The following CHIC2 variants were observed in gnomAD, a reference collection of about 807,000 sequenced individuals.
The protein encoded by CHIC2 is cysteine rich hydrophobic domain 2, also known as cysteine-rich hydrophobic domain-containing protein 2.
In CHIC2, 14 loss-of-function variants were observed where a neutral mutation model predicts 25.9. The observed-to-expected ratio is 0.54, with a 90% CI of 0.36 to 0.85. The LOEUF (loss-of-function observed/expected upper bound fraction) is 0.85. Ranked by LOEUF, CHIC2 falls within the 40% of genes least tolerant of loss-of-function variation. The pLI, the probability that CHIC2 is intolerant of heterozygous loss-of-function variation, is 0.01. For synonymous variants in CHIC2, 70 were observed against 72.0 expected, an observed-to-expected ratio of 0.97 and a Z score of 0.14; for missense variants, 146 against 202.0, an observed-to-expected ratio of 0.72 and a Z score of 1.68.
chr4:54,037,957 C>T (rs1204970688), intron 3 of CHIC2, among the ~76,000 whole-genome samples: 1 of 151,842 alleles, frequency 6.6e-6, no homozygotes, highest in African/African-American at 2.4e-5. Flanking sequence ...AAATCAATGA[C>T]TTCTACCTTA....
At chr4:54,083,438 T>TC in the CHIC2 span, among the ~76,000 whole-genome samples, 1 of 152,242 alleles carries the variant, frequency 6.6e-6, no homozygotes, top group Admixed American at 6.5e-5. Flanking sequence ...TTATCTTTTT[T>TC]CTGTTCCATT....
chr4:54,058,549 TACACACACATACACAC>T (rs1352096428), intron 1 of CHIC2, among the ~76,000 whole-genome samples: 6 of 126,924 alleles, frequency 4.7e-5, no homozygotes, highest in Non-Finnish European at 1.0e-4. Context: ...CATACACACA[TACACACACATACACAC>T]ACACACACAC....
the CHIC2 span, among the ~76,000 whole-genome samples, chr4:54,080,288 CAAAG>C: frequency 2.0e-5 from 3 of 150,516 alleles, no homozygotes; most frequent in Non-Finnish European, 3.0e-5. Context: ...ATAAGACAGA[CAAAG>C]AAAGACAAAT....
chr4:54,081,926 A>G, the CHIC2 span, among the ~76,000 whole-genome samples: 3 of 152,216 alleles, frequency 2.0e-5, no homozygotes, highest in Non-Finnish European at 4.4e-5. Context: ...AGCAATTTAA[A>G]GATGAAAAAT....
rs574564739 is a variant in CHIC2 at position 54,029,416 on chromosome 4, G to A, written c.331-15297C>T. Among the ~76,000 whole-genome samples the A allele has an allele frequency of 3.9e-5, 6 of 152,214 alleles. No individual in the cohort carries two copies. The South Asian group carries it at 8.3e-4, about 21-fold the overall frequency. On this transcript the variant is annotated intron_variant, in intron 3 of 5. Transcript: ENST00000263921. Reference sequence around the variant, plus strand: ...GGTAATGAAGATTAAGACCATTATTGACCACATGAATATTTGTTATATTTA... The same window carrying A: ...GGTAATGAAGATTAAGACCATTATTAACCACATGAATATTTGTTATATTTA...
At chr4:54,058,730 G>C (rs1409354836) in intron 1 of CHIC2, among the ~76,000 whole-genome samples, 1 of 152,150 alleles carries the variant, frequency 6.6e-6, no homozygotes, top group South Asian at 2.1e-4. Flanking sequence ...ACAGCTATTA[G>C]AGATTTGAAA....
intron 3 of CHIC2, among the ~76,000 whole-genome samples, chr4:54,016,720 C>A (rs1715748254): frequency 6.6e-6 from 1 of 151,822 alleles, no homozygotes; most frequent in Non-Finnish European, 1.5e-5. Flanking sequence ...TTGCACTTGA[C>A]ATCTCAATGA....
the CHIC2 span, chr4:54,087,277 G>A: frequency 1.7e-6 from 1 of 581,390 alleles, no homozygotes; most frequent in Non-Finnish European, 3.1e-6. Flanking sequence ...AGAACAGAAT[G>A]GAAGTTAAAG....
At chr4:54,020,770 T>A (rs1715872438) in intron 3 of CHIC2, among the ~76,000 whole-genome samples, 1 of 152,204 alleles carries the variant, frequency 6.6e-6, no homozygotes, top group Admixed American at 6.5e-5. Context: ...ATTTTATCCA[T>A]GGACCCAAAA....
At position 54,064,478 on chromosome 4, in the gene CHIC2, G is replaced by GCCGCCA; in HGVS notation, c.-184_-179dup. On this transcript the variant is annotated 5_prime_UTR_variant, in exon 1 of 6. Coordinates refer to ENST00000263921, the MANE Select transcript of CHIC2 (RefSeq NM_012110.4). The surrounding 1 kb of genome is among the most constrained non-coding windows in gnomAD (Gnocchi z 4.2). Reference sequence around the variant, plus strand: ...CAGAGGGGATGGGGTCTGGACCGTCGCCGCCACCGCCGCCGCCATTACCAT... The same window carrying GCCGCCA: ...CAGAGGGGATGGGGTCTGGACCGTCGCCGCCACCGCCACCGCCGCCGCCATTACCAT... 1 of 1,444,632 alleles carries GCCGCCA rather than the reference G, an allele frequency of 6.9e-7. No individual in the cohort carries two copies. 89.5% of individuals were successfully genotyped at this position (1,444,632 alleles called of 1,614,324 possible). A position where few individuals can be genotyped will look rare whatever the true frequency, so the allele number is the denominator to read the frequency against.
chr4:54,031,227 G>A (rs1309842922), intron 3 of CHIC2, among the ~76,000 whole-genome samples: 1 of 149,818 alleles, frequency 6.7e-6, no homozygotes, highest in Non-Finnish European at 1.5e-5. Context: ...ACTCTCTCAA[G>A]GTCACCCAGC....
chr4:54,071,974 A>C, the CHIC2 span, among the ~76,000 whole-genome samples: 16 of 151,506 alleles, frequency 1.1e-4, no homozygotes, highest in Non-Finnish European at 1.5e-5. Context: ...GTAATATCTA[A>C]ATCTAAATAA....
intron 3 of CHIC2, among the ~76,000 whole-genome samples, chr4:54,030,192 GA>G (rs1284446785): frequency 1.3e-5 from 2 of 152,016 alleles, no homozygotes; most frequent in Non-Finnish European, 2.9e-5. Flanking sequence ...ATTCAGAAAA[GA>G]AAAAACCTAA....
At chr4:54,060,275 G>C (rs977167255) in intron 1 of CHIC2, 3 of 152,050 alleles carry the variant, frequency 2.0e-5, no homozygotes, top group African/African-American at 7.2e-5. Context: ...AACATATCTG[G>C]AATGAAAACA....
chr4:54,040,042 G>A (rs1355199805), intron 3 of CHIC2, among the ~76,000 whole-genome samples: 5 of 152,136 alleles, frequency 3.3e-5, no homozygotes, highest in Admixed American at 1.3e-4. Flanking sequence ...AAGAGTTGAC[G>A]AGGGTTCAAC....
chr4:54,083,063 T>C, the CHIC2 span, among the ~76,000 whole-genome samples: 3 of 143,352 alleles, frequency 2.1e-5, no homozygotes, highest in Non-Finnish European at 3.1e-5. Flanking sequence ...TCTTGCTCTA[T>C]TGCCCAGGCT....
chr4:54,074,073 G>A, the CHIC2 span, among the ~76,000 whole-genome samples: 20 of 151,926 alleles, frequency 1.3e-4, no homozygotes, highest in Non-Finnish European at 7.4e-5. Context: ...CAGGAGAATC[G>A]CTTGAACCCG....
the CHIC2 span, among the ~76,000 whole-genome samples, chr4:54,081,220 G>A: frequency 6.6e-6 from 1 of 151,502 alleles, no homozygotes; most frequent in Non-Finnish European, 1.5e-5. Flanking sequence ...GAACTCCTGA[G>A]CTGAAGGGAT....
chr4:54,043,201 C>T (rs1209887177), intron 3 of CHIC2, among the ~76,000 whole-genome samples: 1 of 152,104 alleles, frequency 6.6e-6, no homozygotes, highest in Admixed American at 6.5e-5. Context: ...GCGGATGGAT[C>T]ACGAGGTCAG....
Sources: gnomAD v4.1 joint callset for allele counts (sites outside exome capture counted in the v4.1 genomes callset) on GRCh38, gnomAD v4.1.1 for gene constraint, Gnocchi (gnomAD v3.1) non-coding constraint, MANE v1.5 for transcripts, NCBI Gene and HGNC (gene_info 2026-07-23, HGNC 2026-07-21) for gene names.